Variants in PRR16 observed in about 807,000 individuals in gnomAD.
PRR16 encodes protein Largen.
In PRR16, 6 loss-of-function variants were observed where a neutral mutation model predicts 18.2. That is an observed-to-expected ratio of 0.33 (90% CI 0.18 to 0.65). PRR16 has a LOEUF of 0.65. Ranked by LOEUF, PRR16 falls within the 30% of genes least tolerant of loss-of-function variation. PRR16 has a pLI of 0.74. For synonymous variants in PRR16, 151 were observed against 147.8 expected (o/e 1.02, Z -0.16); for missense variants, 412 against 376.6 (o/e 1.09, Z -0.78).
chr5:120,704,694 A>C, the PRR16 span, among the ~76,000 whole-genome samples: 24 of 152,196 alleles, frequency 1.6e-4, no homozygotes, highest in African/African-American at 4.8e-4. Flanking sequence ...ATCTCTTTAC[A>C]GTGCGCTCAG....
At chr5:120,510,043 A>C (rs148319047) in intron 1 of PRR16, among the ~76,000 whole-genome samples, 1 of 152,152 alleles carries the variant, frequency 6.6e-6, no homozygotes, top group African/African-American at 2.4e-5. Context: ...GGCTTTCAAA[A>C]AGAGCTAGTT....
At chr5:120,499,150 C>T (rs1278927440) in intron 1 of PRR16, among the ~76,000 whole-genome samples, 1 of 150,984 alleles carries the variant, frequency 6.6e-6, no homozygotes, top group Non-Finnish European at 1.5e-5. Context: ...GCTCTTGTTG[C>T]CCAGGCTGGA....
chr5:120,502,600 T>C (rs1267132588), intron 1 of PRR16, among the ~76,000 whole-genome samples: 4 of 152,254 alleles, frequency 2.6e-5, no homozygotes, highest in African/African-American at 9.6e-5. Context: ...TGCAAGGCCA[T>C]CTACTGTGGG....
intron 1 of PRR16, among the ~76,000 whole-genome samples, chr5:120,483,139 G>C (rs562243213): frequency 3.9e-5 from 6 of 152,240 alleles, no homozygotes; most frequent in African/African-American, 1.4e-4. Flanking sequence ...ACTCCAAAGA[G>C]TCACTCAGGA....
chr5:120,673,187 A>T (rs1561608361), intron 1 of PRR16, among the ~76,000 whole-genome samples: 1 of 152,276 alleles, frequency 6.6e-6, no homozygotes, highest in Non-Finnish European at 1.5e-5. Context: ...AACATGCAAT[A>T]CATTTAACTA....
At chr5:120,702,972 C>A in the PRR16 span, among the ~76,000 whole-genome samples, 1 of 152,122 alleles carries the variant, frequency 6.6e-6, no homozygotes, top group Admixed American at 6.6e-5. Context: ...CATGCACGTC[C>A]GTGTGAAGAG....
chr5:120,587,145 T>C (rs928928048), intron 1 of PRR16, among the ~76,000 whole-genome samples: 3 of 152,066 alleles, frequency 2.0e-5, no homozygotes, highest in Admixed American at 2.0e-4. Flanking sequence ...TCATAAAGGC[T>C]AAAAGGTGAA....
chr5:120,782,668 A>G, the PRR16 span, among the ~76,000 whole-genome samples: 1 of 152,174 alleles, frequency 6.6e-6, no homozygotes, highest in Non-Finnish European at 1.5e-5. Flanking sequence ...TGGAACAGGC[A>G]TTAAGTGGTA....
At chr5:120,675,721 A>G (rs140658273) in intron 1 of PRR16, among the ~76,000 whole-genome samples, 2,021 of 152,286 alleles carry the variant, frequency 0.013, 26 homozygotes, top group Non-Finnish European at 0.02. Context: ...TTTTATCTTC[A>G]ATGTCTTACA....
chr5:120,574,179 G>A (rs1451624869), intron 1 of PRR16, among the ~76,000 whole-genome samples: 1 of 152,104 alleles, frequency 6.6e-6, no homozygotes. Flanking sequence ...GGAACAGATA[G>A]GGAAAGAAAT....
intron 1 of PRR16, among the ~76,000 whole-genome samples, chr5:120,558,382 A>G (rs868833222): frequency 1.3e-5 from 2 of 151,904 alleles, no homozygotes; most frequent in Non-Finnish European, 2.9e-5. Flanking sequence ...TTTAGTTACT[A>G]CAAATTAGAA....
chr5:120,482,514 T>G (rs935951540), intron 1 of PRR16, among the ~76,000 whole-genome samples: 1 of 152,206 alleles, frequency 6.6e-6, no homozygotes, highest in Non-Finnish European at 1.5e-5. Flanking sequence ...CCATATTTTC[T>G]TTATCCATTC....
the PRR16 span, among the ~76,000 whole-genome samples, chr5:120,701,177 C>CT: frequency 1.3e-5 from 2 of 152,116 alleles, no homozygotes; most frequent in South Asian, 4.1e-4. Context: ...GGAATTGCAA[C>CT]TTTTTTCTAT....
chr5:120,670,063 T>C (rs1756545212), intron 1 of PRR16, among the ~76,000 whole-genome samples: 1 of 152,174 alleles, frequency 6.6e-6, no homozygotes, highest in Non-Finnish European at 1.5e-5. Flanking sequence ...CTGTAGGTGA[T>C]GTAGGCAAAT....
the PRR16 span, among the ~76,000 whole-genome samples, chr5:120,723,505 C>G: frequency 6.6e-6 from 1 of 151,954 alleles, no homozygotes; most frequent in African/African-American, 2.4e-5. Flanking sequence ...AATTAGCATA[C>G]AAGCAATGTG....
At chr5:120,730,485 T>G in the PRR16 span, among the ~76,000 whole-genome samples, 1 of 152,152 alleles carries the variant, frequency 6.6e-6, no homozygotes, top group African/African-American at 2.4e-5. Context: ...ATTTGCATAG[T>G]GGTCAAATTA....
chr5:120,500,997 A>G (rs1286573782), intron 1 of PRR16, among the ~76,000 whole-genome samples: 1 of 152,082 alleles, frequency 6.6e-6, no homozygotes, highest in African/African-American at 2.4e-5. Flanking sequence ...TTAAAAAAGG[A>G]AGCGACTATT....
At chr5:120,499,290 T>C (rs1300953369) in intron 1 of PRR16, among the ~76,000 whole-genome samples, 2 of 152,008 alleles carry the variant, frequency 1.3e-5, no homozygotes, top group African/African-American at 2.4e-5. Flanking sequence ...TTTGTATTTT[T>C]AGTAGAGACG....
At chr5:120,647,009 G>A (rs542023862) in intron 1 of PRR16, among the ~76,000 whole-genome samples, 1 of 151,902 alleles carries the variant, frequency 6.6e-6, no homozygotes, top group South Asian at 2.1e-4. Flanking sequence ...CCAGATTCCT[G>A]AGTCATTTAT....
Sources: gnomAD v4.1 joint callset for allele counts (sites outside exome capture counted in the v4.1 genomes callset) on GRCh38, gnomAD v4.1.1 for gene constraint, MANE v1.5 for transcripts, NCBI Gene and HGNC (gene_info 2026-07-23, HGNC 2026-07-21) for gene names.